EYS: variants seen among roughly 807,000 people sequenced by gnomAD.
The protein encoded by EYS is EGF-like photoreceptor maintenance factor.
In EYS, 250 loss-of-function variants were observed where a neutral mutation model predicts 282.1. That is an observed-to-expected ratio of 0.89 (90% CI 0.80 to 0.98). EYS has a LOEUF of 0.98. EYS is among the 50% of genes least tolerant of loss of function. The probability of loss-of-function intolerance (pLI) is 0.00; values close to 1 mark genes in which losing one functional copy is unlikely to be tolerated. For missense variants in EYS, 4,016 were observed against 3,709.0 expected (o/e 1.08, Z -2.15); for synonymous variants, 1,355 against 1,282.9 (o/e 1.06, Z -1.20).
At chr6:65,089,802 A>T (rs978778406) in intron 12 of EYS, among the ~76,000 whole-genome samples, 4 of 151,902 alleles carry the variant, frequency 2.6e-5, no homozygotes, top group Non-Finnish European at 2.9e-5. Context: ...AAACAAATGC[A>T]AAAATTAGCC....
At chr6:65,481,325 T>G (rs994104204) in intron 5 of EYS, among the ~76,000 whole-genome samples, 1 of 144,992 alleles carries the variant, frequency 6.9e-6, no homozygotes, top group East Asian at 2.1e-4. Flanking sequence ...TTGGCATATA[T>G]GTATATCTGT....
chr6:65,361,035 C>A (rs1296748607), intron 8 of EYS, among the ~76,000 whole-genome samples: 5 of 152,058 alleles, frequency 3.3e-5, no homozygotes, highest in African/African-American at 1.2e-4. Context: ...AATATCTGTA[C>A]TTTTACCCAA....
chr6:65,506,120 C>G (rs540101760), intron 2 of EYS, among the ~76,000 whole-genome samples: 68 of 152,158 alleles, frequency 4.5e-4, no homozygotes, highest in African/African-American at 1.5e-3. Context: ...CCCTGAAGAC[C>G]GCTTTATCTG....
intron 33 of EYS, among the ~76,000 whole-genome samples, chr6:64,042,336 T>G (rs994275959): frequency 2.0e-5 from 3 of 152,244 alleles, no homozygotes; most frequent in Non-Finnish European, 2.9e-5. Context: ...GTAACAGGGC[T>G]TAACTATTTT....
At chr6:65,525,651 A>G (rs1305570665) in intron 2 of EYS, among the ~76,000 whole-genome samples, 2 of 152,234 alleles carry the variant, frequency 1.3e-5, no homozygotes, top group Non-Finnish European at 2.9e-5. Context: ...TTTGACATGA[A>G]ATAACTAATC....
rs533540479 is a variant in EYS, at chr6:64,347,227, GTTTAA to G, written c.6079-40150_6079-40146del. Among the ~76,000 whole-genome samples the G allele has an allele frequency of 3.3e-3, 501 of 151,376 alleles. 3 individuals are homozygous for G. The highest frequency in any genetic ancestry group is 0.011 in the African/African-American group (454 of 41,398). ...AATTACAATATATCTACCTGATTTG[GTTTAA>G]TTTATTTGGTTTGATTTAAACAAAC... On this transcript the variant is annotated intron_variant, in intron 29 of 42. Transcript: ENST00000503581.
chr6:65,643,573 A>C (rs1236411277), intron 1 of EYS, among the ~76,000 whole-genome samples: 1 of 152,170 alleles, frequency 6.6e-6, no homozygotes, highest in Non-Finnish European at 1.5e-5. Flanking sequence ...CTATAGTACC[A>C]CAGCTGATGC....
At chr6:64,633,388 T>C (rs976160938) in intron 22 of EYS, among the ~76,000 whole-genome samples, 1 of 152,146 alleles carries the variant, frequency 6.6e-6, no homozygotes, top group Non-Finnish European at 1.5e-5. Context: ...ATATTGATAT[T>C]GACAGTATTT....
chr6:65,354,626 G>A (rs1764408790), intron 8 of EYS, among the ~76,000 whole-genome samples: 1 of 152,048 alleles, frequency 6.6e-6, no homozygotes, highest in Non-Finnish European at 1.5e-5. Flanking sequence ...GACCAGCCTG[G>A]CTAACAGGGT....
chr6:65,672,132 C>A (rs899837299), intron 1 of EYS, among the ~76,000 whole-genome samples: 1 of 152,068 alleles, frequency 6.6e-6, no homozygotes, highest in Admixed American at 6.6e-5. Context: ...GAAGCTGATT[C>A]AACTTGACAG....
chr6:64,437,621 G>A (rs1774797325), intron 27 of EYS, among the ~76,000 whole-genome samples: 1 of 151,382 alleles, frequency 6.6e-6, no homozygotes, highest in Non-Finnish European at 1.5e-5. Flanking sequence ...GATTTAAATT[G>A]GTAAATGAAT....
chr6:64,008,534 T>C (rs1298994977), intron 33 of EYS, among the ~76,000 whole-genome samples: 1 of 152,134 alleles, frequency 6.6e-6, no homozygotes, highest in Non-Finnish European at 1.5e-5. Flanking sequence ...TCATGCAGAC[T>C]TGATTGTGTG....
chr6:64,325,264 C>A (rs959957463), intron 29 of EYS, among the ~76,000 whole-genome samples: 6 of 152,120 alleles, frequency 3.9e-5, no homozygotes, highest in African/African-American at 4.8e-5. Flanking sequence ...GTGCAGACAA[C>A]CCCCTGGAGC....
chr6:65,279,535 C>G (rs540297342), intron 12 of EYS, among the ~76,000 whole-genome samples: 6 of 152,194 alleles, frequency 3.9e-5, no homozygotes, highest in Non-Finnish European at 8.8e-5. Flanking sequence ...CAGGCTTTTT[C>G]TTTGTTCATC....
At chr6:65,447,346 AAATATATG>A (rs1224501904) in intron 5 of EYS, among the ~76,000 whole-genome samples, 27 of 141,376 alleles carry the variant, frequency 1.9e-4, no homozygotes, top group South Asian at 4.3e-4. Flanking sequence ...ATATATATAT[AAATATATG>A]TATATAGTTA....
chr6:65,514,612 A>G (rs577355839), intron 2 of EYS, among the ~76,000 whole-genome samples: 20 of 152,326 alleles, frequency 1.3e-4, no homozygotes, highest in Non-Finnish European at 1.5e-5. Flanking sequence ...GTGGAACAGA[A>G]CAGAGCCCTC....
intron 8 of EYS, among the ~76,000 whole-genome samples, chr6:65,362,680 C>A (rs1764759030): frequency 6.6e-6 from 1 of 151,700 alleles, no homozygotes; most frequent in East Asian, 1.9e-4. Flanking sequence ...AGATTTTCTT[C>A]TTAGGAGACA....
intron 12 of EYS, among the ~76,000 whole-genome samples, chr6:65,117,859 A>T (rs766785482): frequency 1.3e-5 from 2 of 152,214 alleles, no homozygotes; most frequent in Non-Finnish European, 2.9e-5. Context: ...TAGCAATACC[A>T]GATTTGTTTT....
chr6:65,374,239 G>A (rs1427741260), intron 8 of EYS, among the ~76,000 whole-genome samples: 2 of 152,118 alleles, frequency 1.3e-5, no homozygotes, highest in African/African-American at 4.8e-5. Context: ...CACCAAGGGT[G>A]AGCAGAAGCA....
Sources: allele counts gnomAD v4.1 joint callset (sites outside exome capture counted in the v4.1 genomes callset), GRCh38; gene constraint gnomAD v4.1.1; transcripts MANE v1.5; gene names NCBI Gene and HGNC (gene_info 2026-07-23, HGNC 2026-07-21).